The following AATK variants were observed in gnomAD, a reference collection of about 807,000 sequenced individuals.
AATK encodes serine/threonine-protein kinase LMTK1.
Under a neutral mutation model 114.3 loss-of-function variants are expected in AATK, and 91 were observed. The observed-to-expected ratio is 0.80, with a 90% CI of 0.67 to 0.95. The LOEUF is 0.95. Among genes scored for constraint, AATK ranks in the 40% least tolerant of loss-of-function variants. The pLI is 0.00. For synonymous variants in AATK, 1,075 were observed against 916.5 expected, an observed-to-expected ratio of 1.17 and a Z score of -3.12; for missense variants, 2,176 against 1,965.2, an observed-to-expected ratio of 1.11 and a Z score of -2.03.
intron 1 of AATK, among the ~76,000 whole-genome samples, chr17:81,158,484 T>C (rs2061393655): frequency 6.6e-6 from 1 of 152,010 alleles, no homozygotes; most frequent in Non-Finnish European, 1.5e-5. Context: ...CATTTCAGGG[T>C]GGAAGCTGCT....
In AATK at chr17:81,123,281, G is replaced by T. The variant is rs779288687; in HGVS notation, c.1025C>A (p.Ser342Ter). 1 of 1,403,926 alleles carries T rather than the reference G, an allele frequency of 7.1e-7. No individual in the cohort carries two copies. The highest frequency in any genetic ancestry group is 9.3e-7 in the Non-Finnish European group (1 of 1,078,164). 87.0% of individuals were successfully genotyped at this position (1,403,926 alleles called of 1,614,324 possible). A position where few individuals can be genotyped will look rare whatever the true frequency, so the allele number is the denominator to read the frequency against. Residue 342 changes from serine (S) to a stop codon, truncating the protein, a stop_gained, in exon 10 of 14, where the codon TCG (serine) becomes TAG (stop). Transcript: ENST00000326724. LOFTEE classifies it high-confidence loss of function. ...CGTGTACGCCAGCACCTGCTGGTCCGAGTGCTGGGGATAGGGCTGCGTGCC... is the reference window on the plus strand; with the variant it reads ...CGTGTACGCCAGCACCTGCTGGTCCTAGTGCTGGGGATAGGGCTGCGTGCC... ...ELGTQPYPQH[S>*]DQQVLAYTVR...
In AATK at chr17:81,126,740, T is replaced by TC. The variant is rs919527532; in HGVS notation, c.622-181dup. The TC allele has an allele frequency of 3.1e-4, 439 of 1,414,668 alleles. No homozygotes were observed. Among genetic ancestry groups the TC allele is most frequent in the Middle Eastern group, 2.3e-3 (10 of 4,408 alleles). 87.6% of individuals were successfully genotyped at this position (1,414,668 alleles called of 1,614,324 possible). A position where few individuals can be genotyped will look rare whatever the true frequency, so the allele number is the denominator to read the frequency against. ...CAGCAGTTCCTGGAGGGGGGCCGTG[T>TC]CCCCCAGGGCTGGGCTGGACTGAAG... On this transcript the variant is annotated intron_variant, in intron 6 of 13. Coordinates refer to ENST00000326724, the MANE Select transcript of AATK (RefSeq NM_001080395.3). This position sits in a 1 kb window ranked among gnomAD's most constrained non-coding sequence, Gnocchi z 5.1.
chr17:81,165,864 C>T (rs1461536496), intron 1 of AATK, 74 bp downstream of exon 1: 10 of 1,534,898 alleles, frequency 6.5e-6, no homozygotes, highest in Non-Finnish European at 8.8e-6. Flanking sequence ...AAACCGGGAG[C>T]CGTGGGGCCC....
At position 81,131,981 on chromosome 17, in the gene AATK, A is replaced by G. The variant is rs1219582811; in HGVS notation, c.190-776T>C. 3.8e-6 allele frequency: 5 copies of G among 1,321,382 alleles called. No individual in the cohort carries two copies. In the Admixed American group the frequency reaches 1.1e-4, roughly 29 times the overall value. 81.9% of individuals were successfully genotyped at this position (1,321,382 alleles called of 1,614,324 possible). On this transcript the variant is annotated intron_variant, in intron 2 of 13. Coordinates refer to ENST00000326724, the MANE Select transcript of AATK (RefSeq NM_001080395.3). Reference sequence around the variant, plus strand: ...CCTCCGGAGCTCCCAGAACTCCTTAAGAGCCTGGCCCCGTGCAGCCTAGGG... The same window carrying G: ...CCTCCGGAGCTCCCAGAACTCCTTAGGAGCCTGGCCCCGTGCAGCCTAGGG...
At chr17:81,161,403 G>A (rs928782759) in intron 1 of AATK, among the ~76,000 whole-genome samples, 6 of 152,134 alleles carry the variant, frequency 3.9e-5, no homozygotes, top group African/African-American at 7.2e-5. Flanking sequence ...ACCCTACTCC[G>A]GTCCGACCTC....
In AATK at chr17:81,121,790, G is replaced by A. The variant is rs1459973620; in HGVS notation, c.2146C>T (p.Arg716Trp). Reference protein sequence around the residue: ...EGCPSPKQTPRASPEPGYPGE... With the variant: ...EGCPSPKQTPWASPEPGYPGE... ...GGGTACCCCGGCTCGGGGGAGGCCC[G>A]TGGGGTCTGCTTTGGACTGGGGCAG... Residue 716 changes from arginine to tryptophan, a missense_variant, in exon 11 of 14, where the codon CGG becomes TGG. By Grantham distance (101) the Arg-to-Trp change is moderately radical. Coordinates refer to ENST00000326724, the MANE Select transcript of AATK (RefSeq NM_001080395.3). 12 of 1,563,966 alleles carry A rather than the reference G, an allele frequency of 7.7e-6. 1 individual carries two copies. Among genetic ancestry groups the A allele is most frequent in the South Asian group, 4.6e-5 (4 of 87,558 alleles).
At chr17:81,141,324 G>A (rs949675120) in intron 1 of AATK, among the ~76,000 whole-genome samples, 9 of 152,114 alleles carry the variant, frequency 5.9e-5, no homozygotes, top group Middle Eastern at 3.2e-3. Context: ...GGTGGCGTGT[G>A]CCTGTAATCC....
chr17:81,120,890 C>G lies in AATK; in HGVS notation c.3046G>C (p.Gly1016Arg), dbSNP rs1281464708. 4 of 1,586,852 alleles carry G rather than the reference C, an allele frequency of 2.5e-6. No individual in the cohort carries two copies. The highest frequency in any genetic ancestry group is 3.4e-6 in the Non-Finnish European group (4 of 1,167,136). The change falls in exon 11 of 14, where the codon GGC (glycine) becomes CGC (arginine). Residue 1016 changes from glycine to arginine, a missense_variant. Gly to Arg is a moderately radical substitution (Grantham distance 125). This residue lies in a region of AATK where 1,701 missense variants were observed against 1,394.7 expected (regional missense o/e 1.22). Transcript: ENST00000326724. The part of the protein sequence containing the change: ...EATSGPEKKC[G>R]GDRAPGPELG... ...TCTGGCCCGGGGGCTCGGTCCCCGC[C>G]GCACTTCTTCTCTGGGCCTGAGGTG...
At chr17:81,133,485 C>T in intron 2 of AATK, 1 of 279,072 alleles carries the variant, frequency 3.6e-6, no homozygotes, top group Non-Finnish European at 7.2e-6. Context: ...TCCTCCCACC[C>T]TCCTCCCTCC....
intron 1 of AATK, among the ~76,000 whole-genome samples, chr17:81,143,757 C>T (rs942490088): frequency 1.3e-4 from 20 of 152,332 alleles, no homozygotes; most frequent in African/African-American, 3.1e-4. Context: ...CGGGGTAAGG[C>T]GAGGCCTCCA....
chr17:81,131,338 G>A (rs1309244611), intron 2 of AATK, 133 bp from the exon 3 acceptor site: 5 of 1,222,986 alleles, frequency 4.1e-6, no homozygotes, highest in Non-Finnish European at 5.5e-6. Context: ...CCCAGAGTTG[G>A]AGCCACCGCC....
At chr17:81,165,861 G>A in intron 1 of AATK, 77 bp downstream of exon 1, 2 of 1,534,710 alleles carry the variant, frequency 1.3e-6, no homozygotes, top group Admixed American at 2.1e-5. Context: ...TGCAAACCGG[G>A]AGCCGTGGGG....
chr17:81,120,020 G>A lies in AATK; in HGVS notation c.3799C>T (p.Leu1267Phe), dbSNP rs1306384580. Reference sequence around the variant, plus strand: ...CTGGGAGAGCCGGGGCTCCCCCTAAGGAACGTAGGGGGCGATTCCTTGGCG... The same window carrying A: ...CTGGGAGAGCCGGGGCTCCCCCTAAAGAACGTAGGGGGCGATTCCTTGGCG... ...PGAKESPPTF[L>F]RGSPGSPSAP... The change falls in exon 12 of 14, where the codon CTT becomes TTT. Residue 1267 changes from leucine (L) to phenylalanine (F), a missense_variant. Coordinates refer to ENST00000326724, the MANE Select transcript of AATK (RefSeq NM_001080395.3). The A allele has an allele frequency of 1.4e-6, 2 of 1,451,872 alleles. No homozygotes were observed. Among genetic ancestry groups the A allele is most frequent in the African/African-American group, 2.9e-5 (2 of 68,102 alleles). The allele number at this position is 1,451,872 out of a possible 1,614,324, so 89.9% of individuals were successfully genotyped here. A position where few individuals can be genotyped will look rare whatever the true frequency, so the allele number is the denominator to read the frequency against.
At chr17:81,147,683 G>A (rs2061240408) in intron 1 of AATK, among the ~76,000 whole-genome samples, 1 of 151,740 alleles carries the variant, frequency 6.6e-6, no homozygotes, top group Middle Eastern at 3.5e-3. Context: ...TTAAGCCCAG[G>A]TGTGGAGGTT....
At chr17:81,118,803 G>A (rs905128132) in intron 13 of AATK, among the ~76,000 whole-genome samples, 13 of 152,246 alleles carry the variant, frequency 8.5e-5, no homozygotes, top group Admixed American at 3.3e-4. Flanking sequence ...CCCCAGGGCT[G>A]CAGCCACAGG....
intron 1 of AATK, 99 bp downstream of exon 1, chr17:81,165,839 G>A: frequency 6.6e-7 from 1 of 1,525,508 alleles, no homozygotes; most frequent in Non-Finnish European, 8.8e-7. Flanking sequence ...GCGGGGAAAG[G>A]GTTAATTTCC....
At chr17:81,142,832 GTAACCACCC>G (rs2061158375) in intron 1 of AATK, among the ~76,000 whole-genome samples, 2 of 150,686 alleles carry the variant, frequency 1.3e-5, no homozygotes, top group African/African-American at 4.9e-5. Context: ...CACTTGACTT[GTAACCACCC>G]TATCCACGGA....
chr17:81,149,786 G>A (rs1375789697), intron 1 of AATK, among the ~76,000 whole-genome samples: 1 of 152,118 alleles, frequency 6.6e-6, no homozygotes, highest in Non-Finnish European at 1.5e-5. Flanking sequence ...CAAGGCACAG[G>A]GTACTCAGGA....
chr17:81,121,138 C>T lies in AATK; in HGVS notation c.2798G>A (p.Arg933Gln), dbSNP rs766775618. 27 of 1,604,732 alleles carry T rather than the reference C, an allele frequency of 1.7e-5. No individual in the cohort carries two copies. Among genetic ancestry groups the T allele is most frequent in the East Asian group, 2.2e-5 (1 of 44,680 alleles). The change falls in exon 11 of 14, where the codon CGA becomes CAA. Residue 933 changes from arginine to glutamine, a missense_variant. Coordinates refer to ENST00000326724, the MANE Select transcript of AATK (RefSeq NM_001080395.3). Reference protein sequence around the residue: ...SATGPSGGQPRALDSGYDTEN... With the variant: ...SATGPSGGQPQALDSGYDTEN... The stretch of plus-strand genomic sequence containing the variant: ...GGTGTCATAGCCACTGTCCAGCGCT[C>T]GCGGCTGCCCTCCAGAGGGGCCAGT...
Sources: gnomAD v4.1 joint callset for allele counts (sites outside exome capture counted in the v4.1 genomes callset) on GRCh38, gnomAD v4.1.1 for gene constraint, gnomAD v4.1.1 regional missense constraint, Gnocchi (gnomAD v3.1) non-coding constraint, MANE v1.5 for transcripts, NCBI Gene and HGNC (gene_info 2026-07-23, HGNC 2026-07-21) for gene names.